Variants in FAM171A1 observed in about 807,000 individuals in gnomAD.
FAM171A1 encodes the protein protein FAM171A1.
Under a neutral mutation model 74.9 loss-of-function variants are expected in FAM171A1, and 23 were observed. The ratio of observed to expected loss-of-function variants is 0.31; its 90% CI spans 0.22 to 0.44. The LOEUF is 0.44. Among genes scored for constraint, FAM171A1 ranks in the 20% least tolerant of loss-of-function variants. FAM171A1 has a pLI of 1.00. For missense variants in FAM171A1, 1,162 were observed against 1,159.2 expected (o/e 1.00, Z -0.03); for synonymous variants, 527 against 505.7 (o/e 1.04, Z -0.57).
At position 15,213,598 on chromosome 10, in the gene FAM171A1, ACATGGATGCGTT is replaced by A; in HGVS notation, c.1978_1989del (p.Asn660_Met663del). On this transcript the variant is annotated inframe_deletion, in exon 8 of 8. Transcript: ENST00000378116. This position sits in a 1 kb window ranked among gnomAD's most constrained non-coding sequence, Gnocchi z 6.8. ...GAAGCTGGGATGGAGAGAGACTCCGACATGGATGCGTTCTGAGGGCTCCACTCCCGGGTGCCC... is the reference window on the plus strand; with the variant it reads ...GAAGCTGGGATGGAGAGAGACTCCGACTGAGGGCTCCACTCCCGGGTGCCC... 1 of 1,614,152 alleles carries A rather than the reference ACATGGATGCGTT, an allele frequency of 6.2e-7. No individual in the cohort carries two copies. Among genetic ancestry groups the A allele is most frequent in the South Asian group, 1.1e-5 (1 of 91,080 alleles).
intron 5 of FAM171A1, among the ~76,000 whole-genome samples, chr10:15,246,770 G>A (rs758314034): frequency 2.0e-5 from 3 of 152,128 alleles, no homozygotes; most frequent in Non-Finnish European, 2.9e-5. Flanking sequence ...TGATCTGCCC[G>A]CCTTGCCTCC....
At chr10:15,264,173 T>A (rs1178576104) in intron 3 of FAM171A1, among the ~76,000 whole-genome samples, 3 of 152,054 alleles carry the variant, frequency 2.0e-5, no homozygotes, top group Non-Finnish European at 4.4e-5. Context: ...GGTCTTGCTA[T>A]GTTGCCCAGT....
intron 4 of FAM171A1, among the ~76,000 whole-genome samples, chr10:15,253,038 C>A (rs964205066): frequency 1.3e-5 from 2 of 151,962 alleles, no homozygotes; most frequent in Non-Finnish European, 2.9e-5. Context: ...GAGTTTAGAT[C>A]TGTTGCTCAG....
chr10:15,268,203 T>C (rs193175823), intron 3 of FAM171A1, among the ~76,000 whole-genome samples: 1 of 152,228 alleles, frequency 6.6e-6, no homozygotes, highest in African/African-American at 2.4e-5. Context: ...AGGGGTTGGA[T>C]TTTATTCCAA....
At chr10:15,235,819 T>C in intron 5 of FAM171A1, among the ~76,000 whole-genome samples, 1 of 152,162 alleles carries the variant, frequency 6.6e-6, no homozygotes, top group East Asian at 1.9e-4. Context: ...GCGGTCTGGA[T>C]CTACAGGCTT....
intron 1 of FAM171A1, among the ~76,000 whole-genome samples, chr10:15,354,362 G>A (rs1588568710): frequency 6.6e-6 from 1 of 152,180 alleles, no homozygotes; most frequent in East Asian, 1.9e-4. Context: ...CAAGTGTTGT[G>A]GCACTTGCCT....
intron 1 of FAM171A1, among the ~76,000 whole-genome samples, chr10:15,340,200 G>T (rs1430091482): frequency 1.3e-5 from 2 of 152,172 alleles, no homozygotes; most frequent in African/African-American, 4.8e-5. Flanking sequence ...AGTAAATGGG[G>T]ATATGAGTCA....
rs200656482 is a variant in FAM171A1 at position 15,214,997 on chromosome 10, A to G, written c.987-396T>C. ...GGCTGGTCTTAAACTCCTGGCCTCA[A>G]GCAATCCTCCCCCTTCAGCCTCCCA... On this transcript the variant is annotated intron_variant, in intron 7 of 7. Transcript: ENST00000378116. Among the ~76,000 whole-genome samples, 14 of 151,862 alleles carry G rather than the reference A, an allele frequency of 9.2e-5. No individual in the cohort carries two copies. In the East Asian group the frequency reaches 1.8e-3, roughly 19 times the overall value.
intron 1 of FAM171A1, among the ~76,000 whole-genome samples, chr10:15,332,548 C>T (rs998456880): frequency 1.3e-5 from 2 of 152,152 alleles, no homozygotes; most frequent in Admixed American, 1.3e-4. Flanking sequence ...CTTTTCCAAT[C>T]AATACATGGA....
chr10:15,359,233 G>T (rs781177428), intron 1 of FAM171A1, among the ~76,000 whole-genome samples: 1 of 152,112 alleles, frequency 6.6e-6, no homozygotes, highest in Non-Finnish European at 1.5e-5. Flanking sequence ...ACAATTCCAA[G>T]AATTTAATAA....
intron 1 of FAM171A1, among the ~76,000 whole-genome samples, chr10:15,346,705 C>T (rs949037403): frequency 3.9e-5 from 6 of 152,110 alleles, no homozygotes; most frequent in Non-Finnish European, 7.3e-5. Flanking sequence ...AGGTATGGGT[C>T]CAGCACACCC....
chr10:15,212,648 C>T lies in FAM171A1; in HGVS notation c.*267G>A, dbSNP rs769900543. ...TGCGGTTTCTTAATGTCCCTGGTGG[C>T]GGATACGCCGAGTCCTCGGAAGGAC... On this transcript the variant is annotated 3_prime_UTR_variant, in exon 8 of 8. Transcript: ENST00000378116. 10 of 504,152 alleles carry T rather than the reference C, an allele frequency of 2.0e-5. No homozygotes were observed. Among genetic ancestry groups the T allele is most frequent in the African/African-American group, 3.9e-5 (2 of 51,120 alleles). 31.2% of individuals were successfully genotyped at this position (504,152 alleles called of 1,614,324 possible). A position where few individuals can be genotyped will look rare whatever the true frequency, so the allele number is the denominator to read the frequency against.
At chr10:15,300,285 C>G (rs1187898619) in intron 1 of FAM171A1, among the ~76,000 whole-genome samples, 2 of 152,180 alleles carry the variant, frequency 1.3e-5, no homozygotes, top group Non-Finnish European at 2.9e-5. Context: ...GGAGTGGGCA[C>G]AGAATGCACA....
At chr10:15,336,332 A>G (rs1489600772) in intron 1 of FAM171A1, among the ~76,000 whole-genome samples, 1 of 151,556 alleles carries the variant, frequency 6.6e-6, no homozygotes, top group African/African-American at 2.4e-5. Flanking sequence ...TTTTTTTAAA[A>G]GGACCAAATA....
At chr10:15,357,295 T>A (rs1434936499) in intron 1 of FAM171A1, among the ~76,000 whole-genome samples, 3 of 151,736 alleles carry the variant, frequency 2.0e-5, no homozygotes, top group African/African-American at 7.3e-5. Context: ...AATAAATAAA[T>A]AAATAAATAA....
Position 15,233,730 on chromosome 10 carries a change from C to T in FAM171A1, c.755-12670G>A, listed in dbSNP as rs542306569. Among the ~76,000 whole-genome samples the T allele has an allele frequency of 3.3e-5, 5 of 152,058 alleles. No individual in the cohort carries two copies. The South Asian group carries it at 1.0e-3, about 32-fold the overall frequency. On this transcript the variant is annotated intron_variant, in intron 5 of 7. Coordinates refer to ENST00000378116, the MANE Select transcript of FAM171A1 (RefSeq NM_001010924.2). ...CATCGTGGCCAATGTGGTGAAACCC[C>T]ATCTCTACTAAAAATACAAAAAGTA...
At chr10:15,272,293 A>T (rs1339082246) in intron 3 of FAM171A1, among the ~76,000 whole-genome samples, 4 of 152,214 alleles carry the variant, frequency 2.6e-5, no homozygotes, top group Admixed American at 2.6e-4. Flanking sequence ...AAAGAGACAA[A>T]GAAGGCCATT....
intron 1 of FAM171A1, among the ~76,000 whole-genome samples, chr10:15,338,902 A>T (rs2131867742): frequency 6.6e-6 from 1 of 152,188 alleles, no homozygotes; most frequent in Non-Finnish European, 1.5e-5. Flanking sequence ...CACCACGCCT[A>T]GCTAATTTTT....
intron 1 of FAM171A1, among the ~76,000 whole-genome samples, chr10:15,290,548 T>G (rs10906882): frequency 0.32 from 49,275 of 151,978 alleles, 9,651 homozygotes; most frequent in East Asian, 0.75. Flanking sequence ...GGGCCAACTG[T>G]GGGGGTGTAC....
Sources: allele counts gnomAD v4.1 joint callset (sites outside exome capture counted in the v4.1 genomes callset), GRCh38; gene constraint gnomAD v4.1.1; non-coding constraint Gnocchi (gnomAD v3.1); transcripts MANE v1.5; gene names NCBI Gene and HGNC (gene_info 2026-07-23, HGNC 2026-07-21).